Variants in LRP1B observed in about 807,000 individuals in gnomAD.
LRP1B encodes the protein low-density lipoprotein receptor-related protein 1B.
LRP1B carries 217 observed loss-of-function variants against 556.6 expected under a neutral mutation model. The observed-to-expected ratio is 0.39, with a 90% CI of 0.35 to 0.44. The LOEUF is 0.44. LRP1B is among the 20% of genes least tolerant of loss of function. LRP1B has a pLI of 1.00. For synonymous variants in LRP1B, 2,047 were observed against 1,865.8 expected (o/e 1.10, Z -2.50); for missense variants, 5,053 against 5,620.8 (o/e 0.90, Z 3.23).
chr2:141,511,011 G>T (rs550327914), intron 2 of LRP1B, among the ~76,000 whole-genome samples: 10 of 151,866 alleles, frequency 6.6e-5, no homozygotes, highest in Admixed American at 3.3e-4. Context: ...CTCAGTTAAT[G>T]ATTCAATGAT....
chr2:140,233,483 A>G (rs1273575109), intron 90 of LRP1B, among the ~76,000 whole-genome samples, 157 bp from the exon 91 acceptor site: 1 of 151,292 alleles, frequency 6.6e-6, no homozygotes, highest in Non-Finnish European at 1.5e-5. Context: ...TACATGTTAC[A>G]TTTACAGACT....
intron 3 of LRP1B, among the ~76,000 whole-genome samples, chr2:141,371,655 G>T (rs1272756341): frequency 6.6e-6 from 1 of 151,768 alleles, no homozygotes; most frequent in Non-Finnish European, 1.5e-5. Context: ...TTCTTGATTT[G>T]GTCCTTGGCT....
intron 7 of LRP1B, among the ~76,000 whole-genome samples, chr2:141,078,329 C>T (rs1699842525): frequency 6.6e-6 from 1 of 152,024 alleles, no homozygotes; most frequent in Non-Finnish European, 1.5e-5. Context: ...AGAAAAAAGC[C>T]CTTCTTTCTC....
At chr2:142,068,272 G>A (rs1705182125) in intron 1 of LRP1B, among the ~76,000 whole-genome samples, 1 of 118,054 alleles carries the variant, frequency 8.5e-6, no homozygotes, top group Non-Finnish European at 2.0e-5. Flanking sequence ...AATACCATAG[G>A]TGCTTTTACA....
chr2:141,428,626 A>G (rs890461674), intron 3 of LRP1B, among the ~76,000 whole-genome samples: 3 of 152,138 alleles, frequency 2.0e-5, no homozygotes, highest in Non-Finnish European at 4.4e-5. Flanking sequence ...GGTTCAGCTT[A>G]GGTCCTGAGA....
intron 2 of LRP1B, among the ~76,000 whole-genome samples, chr2:141,790,416 T>C (rs1221965070): frequency 6.6e-6 from 1 of 151,884 alleles, no homozygotes; most frequent in Non-Finnish European, 1.5e-5. Context: ...AGCTGTGTTC[T>C]ATTGTGCCCT....
intron 3 of LRP1B, among the ~76,000 whole-genome samples, chr2:141,374,368 C>T (rs1315082506): frequency 6.6e-6 from 1 of 152,096 alleles, no homozygotes; most frequent in African/African-American, 2.4e-5. Flanking sequence ...GTCATTTTTG[C>T]AATGTCTTTG....
chr2:141,096,629 G>GAGGGAGAGA lies in LRP1B; in HGVS notation c.1014-34357_1014-34356insTCTCTCCCT, dbSNP rs1558858138. Among the ~76,000 whole-genome samples, 69 of 59,740 alleles carry GAGGGAGAGA rather than the reference G, an allele frequency of 1.2e-3. 3 individuals carry two copies. The highest frequency in any genetic ancestry group is 4.3e-3 in the African/African-American group (59 of 13,698). The allele number at this position is 59,740 out of a possible 152,430, so 39.2% of individuals were successfully genotyped here. On this transcript the variant is annotated intron_variant, in intron 7 of 90. Transcript: ENST00000389484. ...CTGAATGACAAAGACGGGGAGAGGG[G>GAGGGAGAGA]GAGAGAGAGAGAGAGAGAGAGAGAG...
intron 41 of LRP1B, among the ~76,000 whole-genome samples, chr2:140,655,533 T>C (rs1039456931): frequency 6.6e-6 from 1 of 152,224 alleles, no homozygotes; most frequent in African/African-American, 2.4e-5. Context: ...AGATTAATCA[T>C]TCCTAGGTGC....
At chr2:140,440,887 T>C (rs1031417587) in intron 66 of LRP1B, among the ~76,000 whole-genome samples, 1 of 152,148 alleles carries the variant, frequency 6.6e-6, no homozygotes, top group African/African-American at 2.4e-5. Flanking sequence ...TTATGCTATA[T>C]CCACAGAGGT....
intron 3 of LRP1B, among the ~76,000 whole-genome samples, chr2:141,388,535 A>T (rs977375188): frequency 1.1e-4 from 17 of 152,242 alleles, no homozygotes; most frequent in Admixed American, 4.6e-4. Flanking sequence ...TTTTTTTTAA[A>T]CCCACAGCTA....
chr2:140,783,850 GAGA>G (rs1160769027), intron 32 of LRP1B, among the ~76,000 whole-genome samples: 1 of 152,186 alleles, frequency 6.6e-6, no homozygotes, highest in Non-Finnish European at 1.5e-5. Context: ...CCAGGACACT[GAGA>G]AGAAGGATTA....
rs539100695 is a variant in LRP1B at position 140,481,578 on chromosome 2, TTTATTA to T, written c.9425+3759_9425+3764del. On this transcript the variant is annotated intron_variant, in intron 59 of 90. Transcript: ENST00000389484. ...AAATGCTATAGAAATGGTAGCCATC[TTTATTA>T]TTATTATTATTATTATTATTATTAT... Among the ~76,000 whole-genome samples the T allele has an allele frequency of 9.5e-3, 1,296 of 137,112 alleles. 8 individuals are homozygous for T. Among genetic ancestry groups the T allele is most frequent in the Middle Eastern group, 0.056 (14 of 252 alleles). The allele number at this position is 137,112 out of a possible 152,430, so 90.0% of individuals were successfully genotyped here.
intron 2 of LRP1B, among the ~76,000 whole-genome samples, chr2:141,620,339 C>T (rs990336869): frequency 1.3e-5 from 2 of 152,244 alleles, no homozygotes; most frequent in African/African-American, 2.4e-5. Context: ...CTGTCCCTCT[C>T]TTTGAACAGC....
In LRP1B at chr2:140,311,205, T is replaced by C. The variant is rs1573770971; in HGVS notation, c.12805+3730A>G. On this transcript the variant is annotated intron_variant, in intron 83 of 90. Coordinates refer to ENST00000389484, the MANE Select transcript of LRP1B (RefSeq NM_018557.3). Reference sequence around the variant, plus strand: ...TCACCTAATGGGAAAAAAATATCATTATATCAAAAACATATGGCACGTGTA... The same window carrying C: ...TCACCTAATGGGAAAAAAATATCATCATATCAAAAACATATGGCACGTGTA... 1.3e-5 allele frequency among the ~76,000 whole-genome samples: 2 copies of C among 151,860 alleles called. 1 individual carries two copies. The highest frequency in any genetic ancestry group is 3.9e-4 in the East Asian group (2 of 5,178).
intron 35 of LRP1B, 102 bp downstream of exon 35, chr2:140,769,111 C>G (rs944471799): frequency 1.9e-6 from 2 of 1,066,396 alleles, no homozygotes; most frequent in Non-Finnish European, 2.7e-6. Context: ...TCTTATTTCT[C>G]ATCTTGACTA....
At chr2:140,427,250 C>T (rs1279552597) in intron 66 of LRP1B, among the ~76,000 whole-genome samples, 1 of 152,106 alleles carries the variant, frequency 6.6e-6, no homozygotes, top group Non-Finnish European at 1.5e-5. Flanking sequence ...GATCATTCAC[C>T]CACGTTCCCT....
At chr2:141,782,044 A>G (rs1467464673) in intron 2 of LRP1B, among the ~76,000 whole-genome samples, 1 of 152,112 alleles carries the variant, frequency 6.6e-6, no homozygotes, top group Admixed American at 6.6e-5. Context: ...ACACCTCAAG[A>G]CTGAGGAATA....
At chr2:141,715,587 G>C (rs1459548701) in intron 2 of LRP1B, among the ~76,000 whole-genome samples, 2 of 152,166 alleles carry the variant, frequency 1.3e-5, no homozygotes, top group Non-Finnish European at 2.9e-5. Flanking sequence ...GGCTGAGGCA[G>C]CCGGATCACC....
Sources: gnomAD v4.1 joint callset for allele counts (sites outside exome capture counted in the v4.1 genomes callset) on GRCh38, gnomAD v4.1.1 for gene constraint, MANE v1.5 for transcripts, NCBI Gene and HGNC (gene_info 2026-07-23, HGNC 2026-07-21) for gene names.